The following DLGAP2 variants were observed in gnomAD, a reference collection of about 807,000 sequenced individuals.
The protein encoded by DLGAP2 is DLG associated protein 2.
DLGAP2 carries 26 observed loss-of-function variants against 100.3 expected under a neutral mutation model. That is an observed-to-expected ratio of 0.26 (90% CI 0.19 to 0.36). The LOEUF (loss-of-function observed/expected upper bound fraction) is 0.36, where lower values mean the gene tolerates loss of function less well. Among genes scored for constraint, DLGAP2 ranks in the 10% least tolerant of loss-of-function variants. DLGAP2 has a pLI of 1.00. For synonymous variants in DLGAP2, 886 were observed against 630.1 expected, an observed-to-expected ratio of 1.41 and a Z score of -6.08; for missense variants, 1,858 against 1,453.2, an observed-to-expected ratio of 1.28 and a Z score of -4.53.
chr8:1,150,481 T>G (rs1237471980), intron 2 of DLGAP2, among the ~76,000 whole-genome samples: 2 of 151,880 alleles, frequency 1.3e-5, no homozygotes, highest in African/African-American at 4.8e-5. Flanking sequence ...CTGAAGAATC[T>G]TCTATCTGGG....
At chr8:1,507,099 G>A (rs759317272) in intron 4 of DLGAP2, among the ~76,000 whole-genome samples, 1 of 152,246 alleles carries the variant, frequency 6.6e-6, no homozygotes, top group Non-Finnish European at 1.5e-5. Flanking sequence ...AGCCCAGCTG[G>A]CTTCACCTAG....
intron 2 of DLGAP2, among the ~76,000 whole-genome samples, chr8:1,111,427 G>A (rs1023404251): frequency 1.3e-5 from 2 of 151,586 alleles, no homozygotes; most frequent in African/African-American, 4.9e-5. Flanking sequence ...TTGGTTCCGC[G>A]GTACATGTGA....
intron 6 of DLGAP2, among the ~76,000 whole-genome samples, chr8:1,598,053 A>T (rs1388822065): frequency 5.3e-5 from 8 of 152,172 alleles, no homozygotes; most frequent in Non-Finnish European, 1.0e-4. Flanking sequence ...TACCTAGTTT[A>T]TTGAGAGCTT....
At chr8:1,430,011 T>TATATATATATATATATACAC (rs1554467361) in intron 3 of DLGAP2, among the ~76,000 whole-genome samples, 29 of 63,836 alleles carry the variant, frequency 4.5e-4, no homozygotes, top group African/African-American at 1.3e-3. Context: ...TATATACATA[T>TATATATATATATATATACAC]ATATATATAT....
chr8:1,459,784 C>T (rs1210858049), intron 3 of DLGAP2, among the ~76,000 whole-genome samples: 1 of 145,998 alleles, frequency 6.8e-6, no homozygotes, highest in Non-Finnish European at 1.5e-5. Flanking sequence ...CTCCCAGGTT[C>T]AAGCAATTAT....
chr8:1,361,909 C>T (rs542353546), intron 3 of DLGAP2, among the ~76,000 whole-genome samples: 1 of 152,342 alleles, frequency 6.6e-6, no homozygotes, highest in South Asian at 2.1e-4. Context: ...TGGGCACTAA[C>T]TGTGCTGCCC....
intron 2 of DLGAP2, among the ~76,000 whole-genome samples, chr8:913,849 G>A (rs976680388): frequency 6.6e-6 from 1 of 152,234 alleles, no homozygotes; most frequent in Non-Finnish European, 1.5e-5. Context: ...AGAACAGCAC[G>A]GTGTGGACCG....
chr8:1,019,810 A>G (rs1191801538), intron 2 of DLGAP2: 1 of 152,176 alleles, frequency 6.6e-6, no homozygotes, highest in East Asian at 1.9e-4. Flanking sequence ...GGTAAAATAA[A>G]CCGAGGGAAG....
At chr8:1,494,350 T>G (rs924760930) in intron 3 of DLGAP2, among the ~76,000 whole-genome samples, 1 of 152,266 alleles carries the variant, frequency 6.6e-6, no homozygotes, top group Non-Finnish European at 1.5e-5. Flanking sequence ...GCTTTGAGTT[T>G]AAAAACCTGT....
intron 2 of DLGAP2, among the ~76,000 whole-genome samples, chr8:964,613 T>C (rs1180003302): frequency 6.6e-6 from 1 of 152,256 alleles, no homozygotes; most frequent in Non-Finnish European, 1.5e-5. Flanking sequence ...GGCAAGTGTC[T>C]GTCCCATCCT....
chr8:747,197 TCTGAGTTTGTGTACTACCCAC>T (rs1176346956), intron 1 of DLGAP2, among the ~76,000 whole-genome samples: 16 of 152,076 alleles, frequency 1.1e-4, no homozygotes, highest in Non-Finnish European at 2.4e-4. Context: ...TGACTGCTCT[TCTGAGTTTGTGTACTACCCAC>T]AACGCGTCAT....
At chr8:1,491,434 T>TTCGG (rs1799386324) in intron 3 of DLGAP2, among the ~76,000 whole-genome samples, 1 of 152,340 alleles carries the variant, frequency 6.6e-6, no homozygotes, top group African/African-American at 2.4e-5. Context: ...TCTCAGAGGC[T>TTCGG]GTTTCAGAAA....
intron 2 of DLGAP2, among the ~76,000 whole-genome samples, chr8:949,732 G>C (rs1799428762): frequency 6.6e-6 from 1 of 152,236 alleles, no homozygotes. Context: ...GGACCCGGCA[G>C]ATGTTCTGCT....
At chr8:1,428,501 T>C (rs1797301058) in intron 3 of DLGAP2, among the ~76,000 whole-genome samples, 1 of 152,180 alleles carries the variant, frequency 6.6e-6, no homozygotes. Context: ...GAGAATGATA[T>C]ATTCTTGGTA....
At chr8:769,997 T>G (rs995207905) in intron 1 of DLGAP2, among the ~76,000 whole-genome samples, 1 of 152,284 alleles carries the variant, frequency 6.6e-6, no homozygotes, top group South Asian at 2.1e-4. Context: ...TTCACAATTA[T>G]GAAACATTGA....
intron 6 of DLGAP2, among the ~76,000 whole-genome samples, chr8:1,608,185 G>T (rs1796877183): frequency 8.0e-6 from 1 of 124,490 alleles, no homozygotes; most frequent in African/African-American, 2.8e-5. Flanking sequence ...GCACGCAGCT[G>T]GAGATCTGAG....
intron 2 of DLGAP2, among the ~76,000 whole-genome samples, chr8:1,050,987 C>T (rs117094859): frequency 0.021 from 329 of 15,766 alleles, no homozygotes; most frequent in Admixed American, 0.024. Flanking sequence ...GGGGTCATTT[C>T]GTGGGTGGGA....
At chr8:1,150,152 G>C (rs769242275) in intron 2 of DLGAP2, among the ~76,000 whole-genome samples, 26 of 152,080 alleles carry the variant, frequency 1.7e-4, no homozygotes, top group Admixed American at 6.6e-4. Context: ...TTTTGCTTTA[G>C]TGTGAATCTC....
intron 3 of DLGAP2, among the ~76,000 whole-genome samples, chr8:1,346,460 T>C (rs1801558653): frequency 6.7e-6 from 1 of 148,222 alleles, no homozygotes; most frequent in South Asian, 2.2e-4. Flanking sequence ...TCATGGCAGC[T>C]ATGTGGAGGT....
Sources: allele counts gnomAD v4.1 joint callset (sites outside exome capture counted in the v4.1 genomes callset), GRCh38; gene constraint gnomAD v4.1.1; transcripts MANE v1.5; gene names NCBI Gene and HGNC (gene_info 2026-07-23, HGNC 2026-07-21).